Variants in OXR1 observed in about 807,000 individuals in gnomAD.
The protein encoded by OXR1 is oxidation resistance protein 1.
OXR1 carries 41 observed loss-of-function variants against 104.6 expected under a neutral mutation model. That is an observed-to-expected ratio of 0.39 (90% CI 0.31 to 0.51). The LOEUF (loss-of-function observed/expected upper bound fraction) is 0.51. Ranked by LOEUF, OXR1 falls within the 20% of genes least tolerant of loss-of-function variation. The probability of loss-of-function intolerance (pLI) is 0.77; values close to 1 mark genes in which losing one functional copy is unlikely to be tolerated. For missense variants in OXR1, 955 were observed against 1,031.9 expected (o/e 0.93, Z 1.02); for synonymous variants, 348 against 348.4 (o/e 1.00, Z 0.01).
intron 2 of OXR1, among the ~76,000 whole-genome samples, chr8:106,475,477 A>G (rs1315921275): frequency 6.6e-6 from 1 of 151,802 alleles, no homozygotes; most frequent in Non-Finnish European, 1.5e-5. Flanking sequence ...GAAGAGGTGG[A>G]GGAGGTGGAA....
chr8:106,740,556 C>T lies in OXR1; in HGVS notation c.2316+61C>T, dbSNP rs1201814614. 2.2e-6 allele frequency: 3 copies of T among 1,346,128 alleles called. No homozygotes were observed. In the African/African-American group the frequency reaches 4.4e-5, roughly 20 times the overall value. 83.4% of individuals were successfully genotyped at this position (1,346,128 alleles called of 1,614,324 possible). A position where few individuals can be genotyped will look rare whatever the true frequency, so the allele number is the denominator to read the frequency against. On this transcript the variant is annotated intron_variant, in intron 14 of 16. Transcript: ENST00000517566. ...TAAGAGCAGTAACAGTAACTTTTAG[C>T]ATATTTATTTGATAAACATTACTTT...
At chr8:106,313,652 G>T (rs1424199262) in intron 1 of OXR1, among the ~76,000 whole-genome samples, 1 of 151,908 alleles carries the variant, frequency 6.6e-6, no homozygotes, top group Non-Finnish European at 1.5e-5. Flanking sequence ...CTTTTGCTAG[G>T]ACAAAATGAA....
At chr8:106,616,030 C>CTTTTTTT (rs10718309) in intron 3 of OXR1, among the ~76,000 whole-genome samples, 6 of 73,332 alleles carry the variant, frequency 8.2e-5, no homozygotes, top group African/African-American at 1.1e-4. Flanking sequence ...GAAACACCTT[C>CTTTTTTT]TTTTTTTTTT....
At chr8:106,350,495 C>T (rs183606646) in intron 1 of OXR1, among the ~76,000 whole-genome samples, 1 of 152,248 alleles carries the variant, frequency 6.6e-6, no homozygotes, top group East Asian at 1.9e-4. Flanking sequence ...ATGCTTTAGA[C>T]TAATTACTGA....
intron 3 of OXR1, among the ~76,000 whole-genome samples, chr8:106,528,098 C>T (rs367953046): frequency 1.3e-5 from 2 of 151,788 alleles, no homozygotes; most frequent in African/African-American, 4.8e-5. Context: ...CCTCTTTTGT[C>T]CCCTCCCTCT....
At chr8:106,632,066 C>T (rs964623968) in intron 3 of OXR1, among the ~76,000 whole-genome samples, 20 of 152,064 alleles carry the variant, frequency 1.3e-4, no homozygotes, top group African/African-American at 2.4e-5. Flanking sequence ...TCAATATGCT[C>T]GCTAAACCTA....
chr8:106,745,585 A>C (rs944127944), intron 15 of OXR1, among the ~76,000 whole-genome samples: 7 of 152,184 alleles, frequency 4.6e-5, no homozygotes, highest in Non-Finnish European at 1.5e-5. Flanking sequence ...ATTGAAAGTT[A>C]AGTGATAGAG....
chr8:106,621,985 C>T (rs1297011292), intron 3 of OXR1, among the ~76,000 whole-genome samples: 1 of 152,130 alleles, frequency 6.6e-6, no homozygotes, highest in Non-Finnish European at 1.5e-5. Flanking sequence ...ATACTTAGTG[C>T]TTTTAATTCA....
intron 2 of OXR1, among the ~76,000 whole-genome samples, chr8:106,400,206 G>A (rs1817945972): frequency 2.0e-5 from 3 of 151,998 alleles, no homozygotes; most frequent in Non-Finnish European, 2.9e-5. Context: ...TCAGGTTTAT[G>A]TTCTTTGTAT....
At chr8:106,722,369 A>G (rs1832891928) in intron 11 of OXR1, among the ~76,000 whole-genome samples, 2 of 152,172 alleles carry the variant, frequency 1.3e-5, no homozygotes, top group Admixed American at 1.3e-4. Flanking sequence ...ATCAAATAAT[A>G]TTACAAATTA....
intron 7 of OXR1, among the ~76,000 whole-genome samples, chr8:106,699,470 T>C (rs979613488): frequency 6.6e-6 from 1 of 152,172 alleles, no homozygotes; most frequent in South Asian, 2.1e-4. Context: ...GCTGATCTTA[T>C]GTGTTTCTCC....
At chr8:106,581,194 C>A in intron 3 of OXR1, 1 of 1,282,572 alleles carries the variant, frequency 7.8e-7, no homozygotes, top group Non-Finnish European at 1.0e-6. Flanking sequence ...CTTGACAAAC[C>A]ACTGCTGCAG....
chr8:106,288,088 T>C (rs2047853), intron 1 of OXR1, among the ~76,000 whole-genome samples: 80,224 of 152,032 alleles, frequency 0.53, 22,527 homozygotes, highest in African/African-American at 0.73. Context: ...AATGCAGAGG[T>C]TGCTGGATGG....
intron 2 of OXR1, among the ~76,000 whole-genome samples, chr8:106,450,351 G>A (rs540343345): frequency 1.8e-4 from 28 of 152,198 alleles, no homozygotes; most frequent in Middle Eastern, 6.8e-3. Flanking sequence ...ATGTTTGTCC[G>A]TGTGCTATTT....
chr8:106,693,459 C>T (rs888193717), intron 7 of OXR1, among the ~76,000 whole-genome samples: 20 of 99,652 alleles, frequency 2.0e-4, no homozygotes, highest in Middle Eastern at 0.013. Context: ...GATGAAGTTT[C>T]GCTCTTATCA....
intron 2 of OXR1, among the ~76,000 whole-genome samples, chr8:106,493,984 A>G (rs976764666): frequency 1.3e-5 from 2 of 152,204 alleles, no homozygotes; most frequent in Admixed American, 6.5e-5. Context: ...TCTTTATAAA[A>G]AGGAGATGAT....
intron 1 of OXR1, among the ~76,000 whole-genome samples, chr8:106,309,261 T>C (rs1813598189): frequency 6.6e-6 from 1 of 152,190 alleles, no homozygotes; most frequent in Non-Finnish European, 1.5e-5. Flanking sequence ...AGATTACAGG[T>C]GTGAGCACTG....
rs11350435 is a variant in OXR1 at position 106,320,679 on chromosome 8, T to TG, written c.-138-38789dup. Among the ~76,000 whole-genome samples, 81 of 150,870 alleles carry TG rather than the reference T, an allele frequency of 5.4e-4. 1 individual carries two copies. The highest frequency in any genetic ancestry group is 2.5e-3 in the East Asian group (13 of 5,110). ...TCTTTTTCTCTCATTCTTCTTTTTTTGGGGGGGGCGGGGACAGAGTCTTGC... is the reference window on the plus strand; with the variant it reads ...TCTTTTTCTCTCATTCTTCTTTTTTTGGGGGGGGGCGGGGACAGAGTCTTGC... On this transcript the variant is annotated intron_variant, in intron 1 of 16. Transcript: ENST00000517566.
At chr8:106,474,012 T>C (rs1359157564) in intron 2 of OXR1, among the ~76,000 whole-genome samples, 7 of 137,416 alleles carry the variant, frequency 5.1e-5, no homozygotes, top group African/African-American at 1.3e-4. Context: ...TGTATATTTA[T>C]ACACACACAC....
Sources: allele counts gnomAD v4.1 joint callset (sites outside exome capture counted in the v4.1 genomes callset), GRCh38; gene constraint gnomAD v4.1.1; transcripts MANE v1.5; gene names NCBI Gene and HGNC (gene_info 2026-07-23, HGNC 2026-07-21).